TRIM49D1: variants seen among roughly 807,000 people sequenced by gnomAD.
TRIM49D1 encodes tripartite motif containing 49D1.
In TRIM49D1 at chr11:89,920,900, T is replaced by C. The variant is rs922769903; in HGVS notation, c.-215-391A>G. The stretch of plus-strand genomic sequence containing the variant: ...GGCTCAAACCATCCCACCTGGCTAA[T>C]GTTTTTTTAAAACTTTTCATAGAGT... On this transcript the variant is annotated intron_variant, in intron 1 of 7. Coordinates refer to ENST00000420869, the MANE Select transcript of TRIM49D1 (RefSeq NM_001384911.1). 2.0e-5 allele frequency among the ~76,000 whole-genome samples: 3 copies of C among 152,032 alleles called. 1 individual carries two copies. Among genetic ancestry groups the C allele is most frequent in the African/African-American group, 7.3e-5 (3 of 41,346 alleles).
At chr11:89,921,581 G>C (rs1335446986) in intron 1 of TRIM49D1, 1 of 151,948 alleles carries the variant, frequency 6.6e-6, no homozygotes, top group African/African-American at 2.4e-5. Context: ...TAATATATAT[G>C]AATACTTAGG....
Position 89,920,390 on chromosome 11 carries a change from C to G in TRIM49D1, c.-96G>C, listed in dbSNP as rs1950324382. ...GGTCAGGAGCTCATTCGCCGCAGTA[C>G]TGAGTTTCAGAGGTCACCAAAACAC... On this transcript the variant is annotated 5_prime_UTR_variant, in exon 2 of 8. Transcript: ENST00000420869. 4.9e-6 allele frequency: 1 copy of G among 202,544 alleles called. No individual in the cohort carries two copies. The highest frequency in any genetic ancestry group is 8.9e-5 in the Admixed American group (1 of 11,184). 12.5% of individuals were successfully genotyped at this position (202,544 alleles called of 1,614,324 possible).
chr11:89,920,867 G>C (rs1033282709), intron 1 of TRIM49D1, among the ~76,000 whole-genome samples: 20 of 151,962 alleles, frequency 1.3e-4, no homozygotes, highest in Non-Finnish European at 2.6e-4. Context: ...CAAGTAGCTA[G>C]GACTACAGGC....
chr11:89,921,682 G>C (rs555686764), intron 1 of TRIM49D1, 170 bp downstream of exon 1: 3 of 152,170 alleles, frequency 2.0e-5, no homozygotes, highest in African/African-American at 7.2e-5. Flanking sequence ...AAGTCAGTTA[G>C]GAAGAAAAAT....
intron 7 of TRIM49D1, 32 bp from the exon 8 acceptor site, chr11:89,912,118 A>ATAAATAAG: frequency 7.5e-7 from 1 of 1,326,630 alleles, no homozygotes; most frequent in African/African-American, 1.5e-5. Context: ...AAATAAATAA[A>ATAAATAAG]TAAATAAATA....
At chr11:89,920,587 AC>A (rs1950325561) in intron 1 of TRIM49D1, 78 bp from the exon 2 acceptor site, 1 of 306,890 alleles carries the variant, frequency 3.3e-6, no homozygotes, top group African/African-American at 2.2e-5. Flanking sequence ...GCACCTTTGC[AC>A]CGCTGATTAA....
At chr11:89,921,752 G>C (rs1392275069) in intron 1 of TRIM49D1, 100 bp downstream of exon 1, 1 of 152,014 alleles carries the variant, frequency 6.6e-6, no homozygotes, top group South Asian at 2.1e-4. Flanking sequence ...GTCATTAGGG[G>C]GCAACTGGAA....
At chr11:89,920,611 C>G (rs1378014224) in intron 1 of TRIM49D1, 102 bp from the exon 2 acceptor site, 1 of 353,692 alleles carries the variant, frequency 2.8e-6, no homozygotes, top group Admixed American at 4.7e-5. Context: ...TATCATCACT[C>G]CTTAAAAAAC....
chr11:89,920,737 C>T (rs1388666592), intron 1 of TRIM49D1, among the ~76,000 whole-genome samples: 1 of 151,932 alleles, frequency 6.6e-6, no homozygotes, highest in Non-Finnish European at 1.5e-5. Context: ...ACAGGCATTC[C>T]TCTAAGGGCA....
chr11:89,912,395 A>C (rs1483019615), intron 7 of TRIM49D1, among the ~76,000 whole-genome samples: 1 of 149,472 alleles, frequency 6.7e-6, no homozygotes, highest in Non-Finnish European at 1.5e-5. Flanking sequence ...CAAAATTTGC[A>C]CATTATGTGC....
At chr11:89,920,981 T>C (rs1223059284) in intron 1 of TRIM49D1, among the ~76,000 whole-genome samples, 1 of 152,120 alleles carries the variant, frequency 6.6e-6, no homozygotes, top group Admixed American at 6.5e-5. Flanking sequence ...CAAGTAATCC[T>C]CTGGTCTTGG....
chr11:89,922,177 T>C lies in TRIM49D1; in HGVS notation c.-541A>G, dbSNP rs1373456571. On this transcript the variant is annotated 5_prime_UTR_variant, in exon 1 of 8. Coordinates refer to ENST00000420869, the MANE Select transcript of TRIM49D1 (RefSeq NM_001384911.1). Reference sequence around the variant, plus strand: ...TACCAGTACCATGCTGTTTTGGTGATGAATAAAGGCCTGGAGTATGGGGAT... The same window carrying C: ...TACCAGTACCATGCTGTTTTGGTGACGAATAAAGGCCTGGAGTATGGGGAT... Among the ~76,000 whole-genome samples, 2 of 151,904 alleles carry C rather than the reference T, an allele frequency of 1.3e-5. No homozygotes were observed. The highest frequency in any genetic ancestry group is 1.3e-4 in the Admixed American group (2 of 15,236).
At chr11:89,920,989 T>C (rs1426181777) in intron 1 of TRIM49D1, among the ~76,000 whole-genome samples, 1 of 152,102 alleles carries the variant, frequency 6.6e-6, no homozygotes, top group Non-Finnish European at 1.5e-5. Flanking sequence ...CCTCTGGTCT[T>C]GGACTTCCAA....
chr11:89,921,939 G>T lies in TRIM49D1; in HGVS notation c.-303C>A, dbSNP rs1278970420. 6.6e-6 allele frequency among the ~76,000 whole-genome samples: 1 copy of T among 151,946 alleles called. No homozygotes were observed. Among genetic ancestry groups the T allele is most frequent in the South Asian group, 2.1e-4 (1 of 4,798 alleles). On this transcript the variant is annotated 5_prime_UTR_variant, in exon 1 of 8. Coordinates refer to ENST00000420869, the MANE Select transcript of TRIM49D1 (RefSeq NM_001384911.1). ...GTAGGTCCTACGTGAGTGTTTCATT[G>T]AATAACAATAAGAAAGTTTGTCTAT...
intron 1 of TRIM49D1, among the ~76,000 whole-genome samples, chr11:89,921,142 C>G (rs1229680023): frequency 6.6e-6 from 1 of 152,012 alleles, no homozygotes. Flanking sequence ...CACTGACTAA[C>G]CAAATAACTC....
intron 7 of TRIM49D1, 127 bp from the exon 8 acceptor site, chr11:89,912,213 AAACGTAAAGTCACAAGGACACTTTTGCT>A: frequency 2.7e-6 from 1 of 365,374 alleles, no homozygotes; most frequent in Non-Finnish European, 4.7e-6. Flanking sequence ...ATTTACCAGG[AAACGTAAAGTCACAAGGACACTTTTGCT>A]TGTAACTTCT....
intron 1 of TRIM49D1, among the ~76,000 whole-genome samples, chr11:89,920,908 T>A (rs2388210): frequency 6.6e-6 from 1 of 152,000 alleles, no homozygotes; most frequent in Non-Finnish European, 1.5e-5. Context: ...AATGTTTTTT[T>A]AAAACTTTTC....
chr11:89,920,872 A>G (rs577524630), intron 1 of TRIM49D1, among the ~76,000 whole-genome samples: 10 of 152,120 alleles, frequency 6.6e-5, no homozygotes, highest in African/African-American at 1.2e-4. Context: ...AGCTAGGACT[A>G]CAGGCTCAAA....
chr11:89,921,258 G>C (rs796206661), intron 1 of TRIM49D1, among the ~76,000 whole-genome samples: 2 of 151,892 alleles, frequency 1.3e-5, no homozygotes, highest in African/African-American at 2.4e-5. Context: ...ATGATGTTCT[G>C]CCATGACTAG....
Sources: gnomAD v4.1 joint callset for allele counts (sites outside exome capture counted in the v4.1 genomes callset) on GRCh38, gnomAD v4.1.1 for gene constraint, MANE v1.5 for transcripts, NCBI Gene and HGNC (gene_info 2026-07-23, HGNC 2026-07-21) for gene names.